Variants in SDK2 observed in about 807,000 individuals in gnomAD.
SDK2 encodes the protein sidekick cell adhesion molecule 2, also known as protein sidekick-2.
SDK2 carries 105 observed loss-of-function variants against 253.9 expected under a neutral mutation model. The observed-to-expected ratio is 0.41, with a 90% CI of 0.35 to 0.49. The LOEUF is 0.49. Among genes scored for constraint, SDK2 ranks in the 20% least tolerant of loss-of-function variants. SDK2 has a pLI of 0.06. For synonymous variants in SDK2, 1,249 were observed against 1,234.9 expected (o/e 1.01, Z -0.24); for missense variants, 2,608 against 3,003.0 (o/e 0.87, Z 3.07).
At chr17:73,430,662 T>C (rs754719353) in intron 11 of SDK2, 49 bp from the exon 12 acceptor site, 36 of 1,313,824 alleles carry the variant, frequency 2.7e-5, no homozygotes, top group Non-Finnish European at 3.3e-5. Flanking sequence ...GTGGGGGCTG[T>C]GTGGCTGGAC....
chr17:73,569,993 G>GA (rs1288192449), intron 1 of SDK2, among the ~76,000 whole-genome samples: 7 of 152,282 alleles, frequency 4.6e-5, no homozygotes, highest in East Asian at 3.9e-4. Context: ...ATGGACACGG[G>GA]ACACTTACTC....
At chr17:73,436,625 A>G (rs1237712358) in intron 8 of SDK2, among the ~76,000 whole-genome samples, 1 of 143,862 alleles carries the variant, frequency 7.0e-6, no homozygotes, top group Non-Finnish European at 1.5e-5. Flanking sequence ...AGAGTTGGCC[A>G]CACCCTATTC....
At chr17:73,546,545 G>T (rs2044968718) in intron 1 of SDK2, among the ~76,000 whole-genome samples, 1 of 152,230 alleles carries the variant, frequency 6.6e-6, no homozygotes. Context: ...AGGCCACACT[G>T]CCTCCTCTCT....
In SDK2 at chr17:73,456,033, C is replaced by T. The variant is rs1471567461; in HGVS notation, c.352G>A (p.Gly118Ser). The T allele has an allele frequency of 2.6e-6, 4 of 1,524,746 alleles. No individual in the cohort carries two copies. The highest frequency in any genetic ancestry group is 1.4e-5 in the African/African-American group (1 of 72,178). The allele number at this position is 1,524,746 out of a possible 1,614,324, so 94.5% of individuals were successfully genotyped here. The change falls in exon 4 of 45, where the codon GGT becomes AGT. Residue 118 changes from glycine (G) to serine (S), a missense_variant. Transcript: ENST00000392650. ...TGGGAGACGCTCTGGTGCTTCTCACCTTCCTCAAAGCTCCCCATGTCTGCA... is the reference window on the plus strand; with the variant it reads ...TGGGAGACGCTCTGGTGCTTCTCACTTTCCTCAAAGCTCCCCATGTCTGCA... ...QVAYMGSFEE[G>S]EKHQSVSHGE... is the part of the protein sequence containing the mutation.
intron 44 of SDK2, among the ~76,000 whole-genome samples, chr17:73,348,060 C>T (rs778449332): frequency 9.8e-5 from 15 of 152,298 alleles, no homozygotes; most frequent in South Asian, 2.1e-4. Context: ...TCCCAGGTCA[C>T]GAGCAGCAAA....
At chr17:73,622,787 C>A (rs1435762446) in intron 1 of SDK2, among the ~76,000 whole-genome samples, 2 of 152,254 alleles carry the variant, frequency 1.3e-5, no homozygotes, top group Non-Finnish European at 2.9e-5. Context: ...ATGCCCAATG[C>A]CTGCATGCGC....
chr17:73,642,190 T>C lies in SDK2; in HGVS notation c.64+1835A>G, dbSNP rs550690820. Among the ~76,000 whole-genome samples the C allele has an allele frequency of 9.9e-5, 15 of 151,992 alleles. No individual in the cohort carries two copies. The highest frequency in any genetic ancestry group is 1.9e-4 in the Non-Finnish European group (13 of 67,964). ...TGGCCTCAAGTGGATGGCACAGGTG[T>C]GGACGTGGGGCAGGAAGGGACACAT... On this transcript the variant is annotated intron_variant, in intron 1 of 44. Transcript: ENST00000392650. The surrounding 1 kb of genome is among the most constrained non-coding windows in gnomAD (Gnocchi z 4.7).
intron 1 of SDK2, among the ~76,000 whole-genome samples, chr17:73,530,860 G>C (rs1280663284): frequency 6.6e-6 from 1 of 152,146 alleles, no homozygotes; most frequent in Non-Finnish European, 1.5e-5. Context: ...AAACCCATAG[G>C]AAAAGGGGAC....
At chr17:73,492,575 C>T (rs77676950) in intron 2 of SDK2, among the ~76,000 whole-genome samples, 1,626 of 152,272 alleles carry the variant, frequency 0.011, 28 homozygotes, top group African/African-American at 0.037. Flanking sequence ...CAGAACACAC[C>T]AGCATCTCTC....
chr17:73,382,872 C>T (rs1204050232), intron 33 of SDK2, among the ~76,000 whole-genome samples: 3 of 152,076 alleles, frequency 2.0e-5, no homozygotes, highest in Non-Finnish European at 4.4e-5. Flanking sequence ...ACAACAACAA[C>T]GACAACATTA....
chr17:73,424,164 T>C, intron 12 of SDK2, 72 bp from the exon 13 acceptor site: 1 of 1,315,708 alleles, frequency 7.6e-7, no homozygotes, highest in South Asian at 1.4e-5. Context: ...GCCTGAAGCT[T>C]GTCCCGAGAA....
Position 73,435,864 on chromosome 17 carries a change from G to A in SDK2, c.1001-220C>T, listed in dbSNP as rs545672544. 7.1e-4 allele frequency among the ~76,000 whole-genome samples: 108 copies of A among 152,248 alleles called. No homozygotes were observed. Among genetic ancestry groups the A allele is most frequent in the African/African-American group, 2.4e-3 (101 of 41,544 alleles). On this transcript the variant is annotated intron_variant, in intron 8 of 44. Transcript: ENST00000392650. This position sits in a 1 kb window ranked among gnomAD's most constrained non-coding sequence, Gnocchi z 5.7. ...AGTCTTTGGGACAGAGTAAAGATCC[G>A]GGAATCAGTTTAGCATGGAAACTGG...
intron 39 of SDK2, among the ~76,000 whole-genome samples, chr17:73,360,932 T>C (rs1444034705): frequency 7.1e-6 from 1 of 141,586 alleles, no homozygotes; most frequent in Non-Finnish European, 1.5e-5. Context: ...CGAGACTCTG[T>C]CTCCAGAAAA....
intron 41 of SDK2, 38 bp from the exon 42 acceptor site, chr17:73,350,828 C>T: frequency 6.4e-7 from 1 of 1,560,934 alleles, no homozygotes; most frequent in South Asian, 1.2e-5. Context: ...GGTGCTCAGC[C>T]CCCTCCTCCC....
At chr17:73,339,667 T>C (rs1430094070) in intron 44 of SDK2, among the ~76,000 whole-genome samples, 3 of 151,392 alleles carry the variant, frequency 2.0e-5, no homozygotes, top group African/African-American at 4.9e-5. Context: ...TATCCTCCCA[T>C]GTCAGCCTTC....
intron 1 of SDK2, among the ~76,000 whole-genome samples, chr17:73,556,546 G>A (rs905548616): frequency 1.3e-5 from 2 of 152,230 alleles, no homozygotes; most frequent in South Asian, 2.1e-4. Context: ...AGGCATTCAC[G>A]TTTGACCTGC....
intron 1 of SDK2, among the ~76,000 whole-genome samples, chr17:73,516,370 G>A (rs1056290058): frequency 3.3e-5 from 5 of 152,212 alleles, no homozygotes; most frequent in South Asian, 2.1e-4. Context: ...ATGTCTGCAC[G>A]TCATACACTA....
Position 73,380,962 on chromosome 17 carries a change from G to GGC in SDK2, c.4706-13_4706-12insGC. On this transcript the variant is annotated splice_polypyrimidine_tract_variant and intron_variant, in intron 33 of 44. Transcript: ENST00000392650. Reference sequence around the variant, plus strand: ...CATGGAGTACATGGCTATGGGGTGGGGGTGCCGGGGCGGGGGCGCAGAGGG... The same window carrying GGC: ...CATGGAGTACATGGCTATGGGGTGGGGCGGTGCCGGGGCGGGGGCGCAGAGGG... 6.6e-7 allele frequency: 1 copy of GGC among 1,511,276 alleles called. No homozygotes were observed. The allele number at this position is 1,511,276 out of a possible 1,614,324, so 93.6% of individuals were successfully genotyped here.
Position 73,338,690 on chromosome 17 carries a change from T to C in SDK2, c.6416A>G (p.Asn2139Ser). Residue 2139 changes from asparagine to serine, a missense_variant, in exon 45 of 45, where the codon AAC (asparagine) becomes AGC (serine). Asn to Ser is a conservative substitution (Grantham distance 46). Transcript: ENST00000392650. The surrounding 1 kb of genome is among the most constrained non-coding windows in gnomAD (Gnocchi z 5.0). ...PKASRTPTPQ[N>S]PPNPPSQQST... ...CTGCTGACTTGGGGGGTTAGGGGGGTTCTGGGGCGTTGGAGTCCGACTGGC... is the reference window on the plus strand; with the variant it reads ...CTGCTGACTTGGGGGGTTAGGGGGGCTCTGGGGCGTTGGAGTCCGACTGGC... 1 of 1,600,208 alleles carries C rather than the reference T, an allele frequency of 6.2e-7. No individual in the cohort carries two copies. The highest frequency in any genetic ancestry group is 8.5e-7 in the Non-Finnish European group (1 of 1,173,138).
Sources: allele counts gnomAD v4.1 joint callset (sites outside exome capture counted in the v4.1 genomes callset), GRCh38; gene constraint gnomAD v4.1.1; non-coding constraint Gnocchi (gnomAD v3.1); transcripts MANE v1.5; gene names NCBI Gene and HGNC (gene_info 2026-07-23, HGNC 2026-07-21).